Variants in FLT1 observed in about 807,000 individuals in gnomAD.
FLT1 encodes the protein fms related receptor tyrosine kinase 1.
A neutral mutation model predicts 156.3 loss-of-function variants in FLT1; 49 were observed. The ratio of observed to expected loss-of-function variants is 0.31; its 90% CI spans 0.25 to 0.40. The LOEUF (loss-of-function observed/expected upper bound fraction) is 0.40. FLT1 is among the 10% of genes least tolerant of loss of function. FLT1 has a pLI of 1.00. For missense variants in FLT1, 1,322 were observed against 1,637.2 expected (o/e 0.81, Z 3.32); for synonymous variants, 594 against 583.8 (o/e 1.02, Z -0.25).
chr13:28,490,292 T>C (rs1881397997), intron 1 of FLT1, among the ~76,000 whole-genome samples: 1 of 152,184 alleles, frequency 6.6e-6, no homozygotes, highest in Admixed American at 6.5e-5. Flanking sequence ...AGAAACAGCT[T>C]TCAGGCATCC....
At chr13:28,427,659 T>G in intron 9 of FLT1, 93 bp downstream of exon 9, 1 of 1,094,562 alleles carries the variant, frequency 9.1e-7, no homozygotes, top group Admixed American at 1.7e-5. Flanking sequence ...AATTTTGCTA[T>G]CTTTGATGTT....
At chr13:28,370,236 T>A (rs1196667663) in intron 14 of FLT1, among the ~76,000 whole-genome samples, 1 of 151,888 alleles carries the variant, frequency 6.6e-6, no homozygotes, top group Non-Finnish European at 1.5e-5. Flanking sequence ...AACCTCTGAA[T>A]AAGGGAAACA....
intron 1 of FLT1, 92 bp downstream of exon 1, chr13:28,494,688 C>T (rs934833113): frequency 1.0e-6 from 1 of 999,630 alleles, no homozygotes; most frequent in Non-Finnish European, 1.5e-6. Flanking sequence ...GCCTCGTCTC[C>T]CCGCGTGCAC....
chr13:28,443,952 G>C (rs1878469901), intron 3 of FLT1, among the ~76,000 whole-genome samples: 1 of 152,150 alleles, frequency 6.6e-6, no homozygotes, highest in Admixed American at 6.5e-5. Context: ...TATTAGTGAG[G>C]AAATGGTTAG....
chr13:28,310,125 G>A (rs1870936169), intron 27 of FLT1, among the ~76,000 whole-genome samples: 1 of 151,998 alleles, frequency 6.6e-6, no homozygotes, highest in African/African-American at 2.4e-5. Flanking sequence ...CCTGACCTCA[G>A]GTGATCCACC....
intron 1 of FLT1, among the ~76,000 whole-genome samples, chr13:28,480,379 A>G (rs903334978): frequency 1.2e-4 from 19 of 152,244 alleles, no homozygotes; most frequent in African/African-American, 3.9e-4. Context: ...CAGATAAATA[A>G]GTATATATAG....
intron 1 of FLT1, among the ~76,000 whole-genome samples, chr13:28,485,171 G>T (rs1443896675): frequency 1.3e-5 from 2 of 152,088 alleles, no homozygotes; most frequent in East Asian, 3.8e-4. Flanking sequence ...TATATTGATT[G>T]TATAGTCAGT....
intron 15 of FLT1, among the ~76,000 whole-genome samples, chr13:28,349,325 C>G (rs1168305079): frequency 6.6e-6 from 1 of 152,128 alleles, no homozygotes; most frequent in Non-Finnish European, 1.5e-5. Context: ...AACCTTTTCT[C>G]TCACTACACA....
chr13:28,479,514 TA>T (rs1263013762), intron 1 of FLT1, among the ~76,000 whole-genome samples: 2 of 152,302 alleles, frequency 1.3e-5, no homozygotes, highest in African/African-American at 4.8e-5. Flanking sequence ...TTCAAAAACT[TA>T]AAAAAATCTT....
chr13:28,386,368 G>T lies in FLT1; in HGVS notation c.1970-1337C>A, dbSNP rs542426981. ...TGTTGAAGTAGTATATCATGGCAGG[G>T]TTACTATCTGTTAGGAGAAACAGAT... On this transcript the variant is annotated intron_variant, in intron 13 of 29. Coordinates refer to ENST00000282397, the MANE Select transcript of FLT1 (RefSeq NM_002019.4). The T allele has an allele frequency of 1.8e-3, 1,849 of 1,001,998 alleles. 1 individual carries two copies. The highest frequency in any genetic ancestry group is 2.2e-3 in the Non-Finnish European group (1,785 of 828,098). The allele number at this position is 1,001,998 out of a possible 1,614,324, so 62.1% of individuals were successfully genotyped here. A position where few individuals can be genotyped will look rare whatever the true frequency, so the allele number is the denominator to read the frequency against.
At chr13:28,390,992 C>T (rs1874677867) in intron 12 of FLT1, among the ~76,000 whole-genome samples, 1 of 152,108 alleles carries the variant, frequency 6.6e-6, no homozygotes, top group South Asian at 2.1e-4. Context: ...CACAGTGGGC[C>T]AGTGGCACAG....
chr13:28,390,116 G>T lies in FLT1; in HGVS notation c.1661-12C>A. 6 of 1,610,724 alleles carry T rather than the reference G, an allele frequency of 3.7e-6. No individual in the cohort carries two copies. The East Asian group carries it at 1.3e-4, about 36-fold the overall frequency. On this transcript the variant is annotated splice_polypyrimidine_tract_variant and intron_variant, in intron 12 of 29. Transcript: ENST00000282397. The stretch of plus-strand genomic sequence containing the variant: ...CCCATTTGGCACATCTATAAAATAA[G>T]AATAAAGAACTTCAGTTCACAGAAA...
At chr13:28,361,632 A>G (rs1391657558) in intron 14 of FLT1, among the ~76,000 whole-genome samples, 1 of 152,212 alleles carries the variant, frequency 6.6e-6, no homozygotes, top group Non-Finnish European at 1.5e-5. Flanking sequence ...TAACTTGCTT[A>G]TTTTTGTAAG....
intron 6 of FLT1, among the ~76,000 whole-genome samples, chr13:28,433,212 T>C (rs995189181): frequency 6.6e-6 from 1 of 152,244 alleles, no homozygotes; most frequent in Non-Finnish European, 1.5e-5. Context: ...TTTCCCCATC[T>C]ATACATTTTT....
Position 28,432,765 on chromosome 13 carries a change from TCTTA to T in FLT1, c.813+1050_813+1053del, listed in dbSNP as rs369397799. The stretch of plus-strand genomic sequence containing the variant: ...CATTTAATAGATGTGTTGTAGATAC[TCTTA>T]CTTACAGCAGCAATGCTAGCAGGAT... On this transcript the variant is annotated intron_variant, in intron 6 of 29. Coordinates refer to ENST00000282397, the MANE Select transcript of FLT1 (RefSeq NM_002019.4). Among the ~76,000 whole-genome samples, 1,000 of 152,350 alleles carry T rather than the reference TCTTA, an allele frequency of 6.6e-3. 7 individuals carry two copies. Among genetic ancestry groups the T allele is most frequent in the African/African-American group, 0.023 (955 of 41,580 alleles).
At chr13:28,399,007 C>G in intron 11 of FLT1, 1 of 1,390,492 alleles carries the variant, frequency 7.2e-7, no homozygotes, top group Non-Finnish European at 1.0e-6. Context: ...TTCTGAATAG[C>G]CATTTCCTTG....
Position 28,462,176 on chromosome 13 carries a change from AAATT to A in FLT1, c.388+4723_388+4726del, listed in dbSNP as rs374364312. Among the ~76,000 whole-genome samples, 732 of 152,352 alleles carry A rather than the reference AAATT, an allele frequency of 4.8e-3. 8 individuals are homozygous for A. Among genetic ancestry groups the A allele is most frequent in the African/African-American group, 0.017 (696 of 41,580 alleles). On this transcript the variant is annotated intron_variant, in intron 3 of 29. Transcript: ENST00000282397. ...CCCTAAGTTTAAGGTCTTGCTAACT[AAATT>A]AAAGATACTGACAAGTGTTAACTAC...
intron 1 of FLT1, among the ~76,000 whole-genome samples, chr13:28,493,690 G>A (rs1593857211): frequency 6.6e-6 from 1 of 152,212 alleles, no homozygotes; most frequent in South Asian, 2.1e-4. Context: ...GGGGAACGAG[G>A]CACAAATCTC....
chr13:28,464,818 A>C (rs1181064745), intron 3 of FLT1, among the ~76,000 whole-genome samples: 1 of 152,244 alleles, frequency 6.6e-6, no homozygotes, highest in African/African-American at 2.4e-5. Flanking sequence ...TAAAGGTGAA[A>C]ATAGCTGAAC....
Sources: gnomAD v4.1 joint callset for allele counts (sites outside exome capture counted in the v4.1 genomes callset) on GRCh38, gnomAD v4.1.1 for gene constraint, MANE v1.5 for transcripts, NCBI Gene and HGNC (gene_info 2026-07-23, HGNC 2026-07-21) for gene names.